Variants in SPEF2 observed in about 807,000 individuals in gnomAD.
SPEF2 encodes sperm flagella and cilia-associated protein 2.
Under a neutral mutation model 224.6 loss-of-function variants are expected in SPEF2, and 187 were observed. The observed-to-expected ratio is 0.83, with a 90% CI of 0.74 to 0.94. The LOEUF is 0.94. SPEF2 is among the 40% of genes least tolerant of loss of function. The pLI is 0.00. For synonymous variants in SPEF2, 715 were observed against 707.3 expected, an observed-to-expected ratio of 1.01 and a Z score of -0.17; for missense variants, 2,170 against 2,135.6, an observed-to-expected ratio of 1.02 and a Z score of -0.32.
At chr5:35,709,166 T>C (rs760541275) in intron 19 of SPEF2, 45 bp downstream of exon 19, 12 of 1,594,274 alleles carry the variant, frequency 7.5e-6, no homozygotes, top group Non-Finnish European at 1.0e-5. Flanking sequence ...GTTTCTTATT[T>C]TTACTCAGTA....
intron 20 of SPEF2, among the ~76,000 whole-genome samples, chr5:35,727,023 C>T (rs988904355): frequency 7.9e-5 from 11 of 139,036 alleles, no homozygotes; most frequent in African/African-American, 2.9e-4. Context: ...TCCTTTGCTT[C>T]CCTTTCTTTT....
At chr5:35,774,989 C>G (rs1047700888) in intron 28 of SPEF2, among the ~76,000 whole-genome samples, 4 of 152,140 alleles carry the variant, frequency 2.6e-5, no homozygotes, top group Admixed American at 6.5e-5. Context: ...CATACATGAT[C>G]CTTAGTGTAG....
intron 23 of SPEF2, among the ~76,000 whole-genome samples, chr5:35,751,090 C>T (rs1382991750): frequency 0.015 from 282 of 18,230 alleles, no homozygotes; most frequent in Middle Eastern, 0.05. Context: ...CACACACACA[C>T]ACACACATAT....
At chr5:35,664,864 C>G (rs1293316184) in intron 8 of SPEF2, among the ~76,000 whole-genome samples, 1 of 150,866 alleles carries the variant, frequency 6.6e-6, no homozygotes, top group African/African-American at 2.4e-5. Context: ...GGGAGGAGAA[C>G]TTTGTGTTTT....
chr5:35,661,430 G>A (rs1300353288), intron 8 of SPEF2, among the ~76,000 whole-genome samples: 3 of 149,068 alleles, frequency 2.0e-5, no homozygotes, highest in Non-Finnish European at 4.5e-5. Flanking sequence ...ATATATATTT[G>A]TTTAACTTTT....
chr5:35,696,780 G>GAAT (rs1580325221), intron 14 of SPEF2, among the ~76,000 whole-genome samples: 1 of 152,138 alleles, frequency 6.6e-6, no homozygotes, highest in East Asian at 1.9e-4. Flanking sequence ...AGGAACACAG[G>GAAT]CCAAGGGCAA....
chr5:35,661,861 A>C (rs758057305), intron 8 of SPEF2, among the ~76,000 whole-genome samples: 1 of 152,120 alleles, frequency 6.6e-6, no homozygotes, highest in Non-Finnish European at 1.5e-5. Context: ...TGTCTTTGCT[A>C]TTGTGAATAG....
At chr5:35,644,631 C>T in intron 4 of SPEF2, 106 bp downstream of exon 4, 1 of 817,198 alleles carries the variant, frequency 1.2e-6, no homozygotes, top group Non-Finnish European at 1.8e-6. Flanking sequence ...ACAAGTTGCA[C>T]TTCCCTGATG....
In SPEF2 at chr5:35,654,616, A is replaced by C. The variant is rs1748705008; in HGVS notation, c.868A>C (p.Ile290Leu). ...LLNTYSDDEY[I>L]KKIQKRLEED... ...AAATACTTACTCAGATGACGAGTAC[A>C]TTAAAAAAATCCAGAAGCGCCTTGA... is the stretch of plus-strand genomic sequence containing the variant. Residue 290 changes from isoleucine (I) to leucine (L), a missense_variant, in exon 7 of 37, where the codon ATT (isoleucine) becomes CTT (leucine). Physicochemically the swap from Ile to Leu is conservative, Grantham distance 5 (BLOSUM62 2). Coordinates refer to ENST00000356031, the MANE Select transcript of SPEF2 (RefSeq NM_024867.4). 4.3e-6 allele frequency: 7 copies of C among 1,613,978 alleles called. No homozygotes were observed. Among genetic ancestry groups the C allele is most frequent in the Non-Finnish European group, 5.9e-6 (7 of 1,179,934 alleles).
intron 6 of SPEF2, among the ~76,000 whole-genome samples, chr5:35,650,188 TGAG>T (rs1184856126): frequency 6.6e-6 from 1 of 152,216 alleles, no homozygotes; most frequent in Non-Finnish European, 1.5e-5. Context: ...GACAGTCAAA[TGAG>T]GAGGAACAAG....
At chr5:35,664,633 T>C (rs1403971604) in intron 8 of SPEF2, among the ~76,000 whole-genome samples, 1 of 149,790 alleles carries the variant, frequency 6.7e-6, no homozygotes, top group East Asian at 2.0e-4. Context: ...TGAGCCGAGA[T>C]AACTCCATTG....
chr5:35,664,667 A>G (rs1561158348), intron 8 of SPEF2, among the ~76,000 whole-genome samples: 1 of 150,966 alleles, frequency 6.6e-6, no homozygotes, highest in Non-Finnish European at 1.5e-5. Flanking sequence ...GATGACAGCA[A>G]GACTCCATCT....
chr5:35,786,477 T>C (rs1388979909), intron 30 of SPEF2, among the ~76,000 whole-genome samples: 2 of 151,770 alleles, frequency 1.3e-5, no homozygotes, highest in African/African-American at 4.8e-5. Flanking sequence ...CTGACCAATA[T>C]GGTGAAACCC....
In SPEF2 at chr5:35,792,457, A is replaced by G. The variant is rs1330938151; in HGVS notation, c.4554+11A>G. 3 of 1,609,386 alleles carry G rather than the reference A, an allele frequency of 1.9e-6. No homozygotes were observed. Among genetic ancestry groups the G allele is most frequent in the Non-Finnish European group, 2.6e-6 (3 of 1,176,182 alleles). On this transcript the variant is annotated intron_variant, in intron 31 of 36. Transcript: ENST00000356031. ...CTTACCCAACCTGAAGTAAGCTTCT[A>G]TGTTGTTTGAGTTGTAAAGCTTTAA...
At chr5:35,799,072 A>G (rs1294138916) in intron 33 of SPEF2, among the ~76,000 whole-genome samples, 1 of 152,224 alleles carries the variant, frequency 6.6e-6, no homozygotes, top group Non-Finnish European at 1.5e-5. Context: ...CTTGCTTCTC[A>G]AAGTATGAGC....
At chr5:35,629,115 C>T (rs1475360926) in intron 2 of SPEF2, among the ~76,000 whole-genome samples, 1 of 148,570 alleles carries the variant, frequency 6.7e-6, no homozygotes, top group African/African-American at 2.5e-5. Flanking sequence ...GACTTATTTA[C>T]ACCAGATTAC....
chr5:35,727,824 G>A lies in SPEF2; in HGVS notation c.3063+1G>A. 4.4e-6 allele frequency: 7 copies of A among 1,607,460 alleles called. No homozygotes were observed. Among genetic ancestry groups the A allele is most frequent in the Non-Finnish European group, 5.9e-6 (7 of 1,177,884 alleles). ...CTATGTGAATGAACCAGTTCCTGAG[G>A]TATGGCCATTTAGAATCAAGCTGGC... On this transcript the variant is annotated splice_donor_variant, in intron 21 of 36. Coordinates refer to ENST00000356031, the MANE Select transcript of SPEF2 (RefSeq NM_024867.4). LOFTEE classifies it high-confidence loss of function.
chr5:35,811,178 C>T (rs1758510152), intron 36 of SPEF2, among the ~76,000 whole-genome samples: 1 of 151,896 alleles, frequency 6.6e-6, no homozygotes, highest in Admixed American at 6.6e-5. Context: ...AACCACTGCA[C>T]TCGTCCTGTC....
At chr5:35,771,020 T>A (rs1752767453) in intron 26 of SPEF2, among the ~76,000 whole-genome samples, 1 of 152,098 alleles carries the variant, frequency 6.6e-6, no homozygotes, top group African/African-American at 2.4e-5. Context: ...ATGACCCAAT[T>A]AACACAGGGC....
Sources: allele counts gnomAD v4.1 joint callset (sites outside exome capture counted in the v4.1 genomes callset), GRCh38; gene constraint gnomAD v4.1.1; transcripts MANE v1.5; gene names NCBI Gene and HGNC (gene_info 2026-07-23, HGNC 2026-07-21).